Variants in CRIM1 observed in about 807,000 individuals in gnomAD.
The protein encoded by CRIM1 is cysteine rich transmembrane BMP regulator 1.
In CRIM1, 32 loss-of-function variants were observed where a neutral mutation model predicts 116.4. The observed-to-expected ratio is 0.27, with a 90% CI of 0.21 to 0.37. CRIM1 has a LOEUF of 0.37. Ranked by LOEUF, CRIM1 falls within the 10% of genes least tolerant of loss-of-function variation. The pLI is 1.00. For missense variants in CRIM1, 1,331 were observed against 1,354.8 expected (o/e 0.98, Z 0.28); for synonymous variants, 590 against 509.2 (o/e 1.16, Z -2.13).
chr2:36,474,756 G>A (rs1241963298), intron 5 of CRIM1, among the ~76,000 whole-genome samples: 1 of 146,670 alleles, frequency 6.8e-6, no homozygotes, highest in East Asian at 2.1e-4. Context: ...GCTGAGGCAG[G>A]AGAATCACTT....
intron 6 of CRIM1, 30 bp from the exon 7 acceptor site, chr2:36,479,467 G>A: frequency 1.9e-6 from 3 of 1,605,232 alleles, no homozygotes; most frequent in Non-Finnish European, 2.6e-6. Flanking sequence ...AAGATGCTCA[G>A]TCTAACTCTG....
At position 36,452,505 on chromosome 2, in the gene CRIM1, A is replaced by C. The variant is rs151207558; in HGVS notation, c.869+9770A>C. 1.1e-4 allele frequency among the ~76,000 whole-genome samples: 16 copies of C among 152,344 alleles called. No homozygotes were observed. The Middle Eastern group carries it at 0.01, about 97-fold the overall frequency. ...TATTAAACTCTGATGTTTTTAAAAC[A>C]AAATAATTGTAGGAATTCCATGTTA... On this transcript the variant is annotated intron_variant, in intron 4 of 16. Transcript: ENST00000280527.
At chr2:36,432,444 A>C (rs1003557319) in intron 2 of CRIM1, among the ~76,000 whole-genome samples, 2 of 152,162 alleles carry the variant, frequency 1.3e-5, no homozygotes, top group Admixed American at 1.3e-4. Context: ...GTGTGAATTA[A>C]CAGATGAAAT....
chr2:36,479,522 C>G lies in CRIM1; in HGVS notation c.1200C>G (p.Pro400=), dbSNP rs7574705. The G allele has an allele frequency of 3.1e-6, 5 of 1,614,082 alleles. No homozygotes were observed. In the African/African-American group the frequency reaches 6.7e-5, roughly 22 times the overall value. Residue 400 remains proline, a synonymous_variant, in exon 7 of 17, where the codon CCC becomes CCG. Transcript: ENST00000280527. The part of the protein sequence containing the change: ...CEDPVYPFNN[P]AGCYANGLIL... The stretch of plus-strand genomic sequence containing the variant: ...ATCCAGTGTATCCTTTTAATAATCC[C>G]GCTGGCTGCTATGCCAATGGCCTGA...
intron 5 of CRIM1, among the ~76,000 whole-genome samples, chr2:36,466,045 G>C (rs1268061115): frequency 2.1e-5 from 1 of 46,838 alleles, no homozygotes; most frequent in South Asian, 1.9e-3. Flanking sequence ...GCCACCACAC[G>C]CGGCTAATTT....
chr2:36,482,455 A>G lies in CRIM1; in HGVS notation c.1372+2761A>G, dbSNP rs550678145. Among the ~76,000 whole-genome samples the G allele has an allele frequency of 2.8e-4, 42 of 152,362 alleles. No homozygotes were observed. In the South Asian group the frequency reaches 7.0e-3, roughly 26 times the overall value. On this transcript the variant is annotated intron_variant, in intron 7 of 16. Coordinates refer to ENST00000280527, the MANE Select transcript of CRIM1 (RefSeq NM_016441.3). ...ACAAGGTGAATGGATCTTACTGCTT[A>G]GTTTATAGGGTCCAAGAAAGTCTCT...
chr2:36,474,846 T>TAAAAA (rs1491569018), intron 5 of CRIM1, among the ~76,000 whole-genome samples: 12 of 17,300 alleles, frequency 6.9e-4, no homozygotes, highest in African/African-American at 2.7e-3. Flanking sequence ...AGACTCTATA[T>TAAAAA]CAAAAAAAAA....
At chr2:36,438,008 C>T (rs777445932) in intron 2 of CRIM1, among the ~76,000 whole-genome samples, 2 of 151,686 alleles carry the variant, frequency 1.3e-5, no homozygotes, top group East Asian at 1.9e-4. Context: ...GGCACGCACC[C>T]GTAGTCCCAG....
Position 36,356,448 on chromosome 2 carries a change from G to A in CRIM1, c.156G>A (p.Pro52=), listed in dbSNP as rs748855150. The change falls in exon 1 of 17, where the codon CCG becomes CCA. Residue 52 remains proline (P), a synonymous_variant. Coordinates refer to ENST00000280527, the MANE Select transcript of CRIM1 (RefSeq NM_016441.3). The surrounding 1 kb of genome is among the most constrained non-coding windows in gnomAD (Gnocchi z 4.3). ...AGTGCGAGGAGCCCAGGAACTGCCC[G>A]GGGAGCATCGTGCAGGGCGTCTGCG... ...ESKCEEPRNC[P]GSIVQGVCGC... 7 of 1,612,100 alleles carry A rather than the reference G, an allele frequency of 4.3e-6. No homozygotes were observed. The African/African-American group carries it at 6.7e-5, about 15-fold the overall frequency.
At chr2:36,467,498 C>T (rs915801033) in intron 5 of CRIM1, among the ~76,000 whole-genome samples, 2 of 152,196 alleles carry the variant, frequency 1.3e-5, no homozygotes, top group Non-Finnish European at 2.9e-5. Flanking sequence ...GAAGATACTA[C>T]ATATCAAAGA....
chr2:36,441,182 C>G, intron 2 of CRIM1, 76 bp from the exon 3 acceptor site: 1 of 1,582,768 alleles, frequency 6.3e-7, no homozygotes, highest in South Asian at 1.1e-5. Flanking sequence ...AATAGATCAT[C>G]AGGACTGTTT....
intron 11 of CRIM1, among the ~76,000 whole-genome samples, chr2:36,517,040 C>T (rs1665075276): frequency 6.6e-6 from 1 of 152,210 alleles, no homozygotes. Context: ...CTGTTCTCAT[C>T]TCTAGAGTGG....
intron 2 of CRIM1, among the ~76,000 whole-genome samples, chr2:36,426,751 C>T (rs1417087874): frequency 6.6e-6 from 1 of 152,208 alleles, no homozygotes; most frequent in Non-Finnish European, 1.5e-5. Context: ...TATCTGACCT[C>T]CCACAAGGCT....
rs77406887 is a variant in CRIM1, at chr2:36,382,371, G to C, written c.332-14243G>C. On this transcript the variant is annotated intron_variant, in intron 1 of 16. Transcript: ENST00000280527. ...AACTGCTGCCATACCTGAAGGGCTT[G>C]TGTTTCCTGTGCAGCTGGAATCTCT... is the stretch of plus-strand genomic sequence containing the variant. Among the ~76,000 whole-genome samples the C allele has an allele frequency of 1.0e-3, 153 of 152,362 alleles. 5 individuals carry two copies. The East Asian group carries it at 0.013, about 13-fold the overall frequency.
chr2:36,382,876 ATTG>A (rs1156238345), intron 1 of CRIM1, among the ~76,000 whole-genome samples: 1 of 152,198 alleles, frequency 6.6e-6, no homozygotes. Context: ...GGTGATCATT[ATTG>A]TTCATTACAT....
chr2:36,393,163 G>A (rs1671748604), intron 1 of CRIM1, among the ~76,000 whole-genome samples: 1 of 152,214 alleles, frequency 6.6e-6, no homozygotes, highest in Non-Finnish European at 1.5e-5. Context: ...TGCCAGCCAG[G>A]TGATAAGAAG....
chr2:36,453,667 C>T (rs1250816802), intron 4 of CRIM1, among the ~76,000 whole-genome samples: 1 of 152,138 alleles, frequency 6.6e-6, no homozygotes, highest in Admixed American at 6.5e-5. Flanking sequence ...AAAATATAGT[C>T]GCTGATGTCT....
intron 13 of CRIM1, among the ~76,000 whole-genome samples, chr2:36,526,076 T>A (rs554620762): frequency 6.6e-6 from 1 of 152,198 alleles, no homozygotes; most frequent in South Asian, 2.1e-4. Context: ...AACAGCTTTG[T>A]CTAGTTTCTT....
At chr2:36,522,566 C>A (rs1665468446) in intron 13 of CRIM1, among the ~76,000 whole-genome samples, 1 of 152,002 alleles carries the variant, frequency 6.6e-6, no homozygotes, top group South Asian at 2.1e-4. Context: ...CTTTGGGAGG[C>A]CGAGGCAGAC....
Sources: allele counts gnomAD v4.1 joint callset (sites outside exome capture counted in the v4.1 genomes callset), GRCh38; gene constraint gnomAD v4.1.1; non-coding constraint Gnocchi (gnomAD v3.1); transcripts MANE v1.5; gene names NCBI Gene and HGNC (gene_info 2026-07-23, HGNC 2026-07-21).